SH3GLB2: variants seen among roughly 807,000 people sequenced by gnomAD.
SH3GLB2 encodes SH3 domain containing GRB2 like, endophilin B2.
Under a neutral mutation model 48.0 loss-of-function variants are expected in SH3GLB2, and 24 were observed. The observed-to-expected ratio is 0.50, with a 90% CI of 0.36 to 0.70. SH3GLB2 has a LOEUF of 0.70. Ranked by LOEUF, SH3GLB2 falls within the 30% of genes least tolerant of loss-of-function variation. The pLI, the probability that SH3GLB2 is intolerant of heterozygous loss-of-function variation, is 0.00. For missense variants in SH3GLB2, 425 were observed against 516.0 expected, an observed-to-expected ratio of 0.82 and a Z score of 1.71; for synonymous variants, 227 against 207.6, an observed-to-expected ratio of 1.09 and a Z score of -0.80.
intron 2 of SH3GLB2, among the ~76,000 whole-genome samples, chr9:129,021,907 C>CA (rs1346676990): frequency 7.0e-6 from 1 of 142,830 alleles, no homozygotes; most frequent in Non-Finnish European, 1.5e-5. Flanking sequence ...TGCAGTGAGC[C>CA]AAGATTGCAC....
chr9:129,023,027 A>G (rs535221209), intron 1 of SH3GLB2, among the ~76,000 whole-genome samples: 3 of 152,244 alleles, frequency 2.0e-5, no homozygotes, highest in South Asian at 4.1e-4. Context: ...AAAAAAGGGA[A>G]TAATAGCACC....
chr9:129,008,876 T>G, intron 10 of SH3GLB2, 85 bp from the exon 11 acceptor site: 1 of 1,371,188 alleles, frequency 7.3e-7, no homozygotes. Context: ...AGCTGCCACC[T>G]CCCCATGGCC....
intron 1 of SH3GLB2, among the ~76,000 whole-genome samples, chr9:129,025,168 C>A (rs1486447776): frequency 6.7e-6 from 1 of 149,700 alleles, no homozygotes; most frequent in Admixed American, 6.8e-5. Flanking sequence ...CCCACCTACT[C>A]GGGAGGCTGA....
At chr9:129,026,041 G>A (rs531201227) in intron 1 of SH3GLB2, among the ~76,000 whole-genome samples, 6 of 151,826 alleles carry the variant, frequency 4.0e-5, no homozygotes, top group South Asian at 2.1e-4. Context: ...TTCTTGCCTC[G>A]GTGCCCTTAT....
chr9:129,019,743 G>A (rs1843666078), intron 3 of SH3GLB2, among the ~76,000 whole-genome samples: 2 of 149,388 alleles, frequency 1.3e-5, no homozygotes, highest in African/African-American at 2.5e-5. Flanking sequence ...AGATTGTGGA[G>A]ATGTTTGTAC....
intron 8 of SH3GLB2, 21 bp downstream of exon 8, chr9:129,010,099 A>G (rs1360800958): frequency 7.5e-6 from 12 of 1,606,144 alleles, no homozygotes; most frequent in Non-Finnish European, 1.0e-5. Flanking sequence ...AGGTTTAGTG[A>G]GGGTGGGCAG....
rs1844281767 is a variant in SH3GLB2 at position 129,028,235 on chromosome 9, GC to G, written c.-82del. On this transcript the variant is annotated 5_prime_UTR_variant, in exon 1 of 11. Transcript: ENST00000372564. ...CAGCCGCCGCCGCCAACCGCACCCC[GC>G]CCACCTGCTGCGGGGCACCAGCCCT... 1.0e-6 allele frequency: 1 copy of G among 967,564 alleles called. No individual in the cohort carries two copies. The highest frequency in any genetic ancestry group is 1.3e-6 in the Non-Finnish European group (1 of 794,502). 59.9% of individuals were successfully genotyped at this position (967,564 alleles called of 1,614,324 possible).
In SH3GLB2 at chr9:129,010,755, G is replaced by C. The variant is rs1843070736; in HGVS notation, c.625-62C>G. On this transcript the variant is annotated intron_variant, in intron 6 of 10. Transcript: ENST00000372564. ...GGGAGAGGAGGACAGCTGGACCCTA[G>C]AGCCTGTGCCCTGCCCCAGCTCCCA... 11 of 1,603,008 alleles carry C rather than the reference G, an allele frequency of 6.9e-6. No homozygotes were observed. The Admixed American group carries it at 1.7e-4, about 24-fold the overall frequency.
Position 129,014,093 on chromosome 9 carries a change from G to T in SH3GLB2, c.561+318C>A. On this transcript the variant is annotated intron_variant, in intron 5 of 10. Coordinates refer to ENST00000372564, the MANE Select transcript of SH3GLB2 (RefSeq NM_020145.4). The surrounding 1 kb of genome is among the most constrained non-coding windows in gnomAD (Gnocchi z 4.1). ...AGGTGCCATGCCCGGGCAGAGCCGG[G>T]GACAGAGCCGAGCATCTAGGAGGGC... 1 of 593,436 alleles carries T rather than the reference G, an allele frequency of 1.7e-6. No individual in the cohort carries two copies. 36.8% of individuals were successfully genotyped at this position (593,436 alleles called of 1,614,324 possible).
At chr9:129,012,697 CATCCCAGAATCCG>C (rs1476137277) in intron 5 of SH3GLB2, 9 of 486,094 alleles carry the variant, frequency 1.9e-5, no homozygotes, top group Non-Finnish European at 3.3e-5. Flanking sequence ...TGGCTTTTTC[CATCCCAGAATCCG>C]CACACCACAT....
At chr9:129,028,049 G>T (rs1245215899) in intron 1 of SH3GLB2, 43 bp downstream of exon 1, 1 of 1,487,470 alleles carries the variant, frequency 6.7e-7, no homozygotes, top group Non-Finnish European at 8.9e-7. Flanking sequence ...CCCGCCCGCC[G>T]CACATCCGGG....
At chr9:129,027,323 A>G (rs1339766797) in intron 1 of SH3GLB2, among the ~76,000 whole-genome samples, 1 of 152,068 alleles carries the variant, frequency 6.6e-6, no homozygotes, top group Admixed American at 6.6e-5. Context: ...TACTGATCCC[A>G]TTTTTCAGAC....
chr9:129,024,256 C>CAAAAAAAAAAA (rs1169096733), intron 1 of SH3GLB2, among the ~76,000 whole-genome samples: 1 of 54,520 alleles, frequency 1.8e-5, no homozygotes, highest in Non-Finnish European at 3.3e-5. Flanking sequence ...CTCCTCTCTA[C>CAAAAAAAAAAA]AAAAAAAAAA....
intron 1 of SH3GLB2, among the ~76,000 whole-genome samples, chr9:129,026,115 AG>A (rs1844147916): frequency 6.6e-6 from 1 of 152,104 alleles, no homozygotes; most frequent in Non-Finnish European, 1.5e-5. Context: ...AGCACAGTTC[AG>A]GGGCCCTCCA....
chr9:129,027,263 A>T (rs1844214560), intron 1 of SH3GLB2, among the ~76,000 whole-genome samples: 1 of 152,160 alleles, frequency 6.6e-6, no homozygotes, highest in Non-Finnish European at 1.5e-5. Flanking sequence ...TGGTGAGCAC[A>T]CATATGCAGA....
In SH3GLB2 at chr9:129,014,837, G is replaced by T; in HGVS notation, c.402C>A (p.His134Gln). ...GTGTGAGGAAGCTGATGGAGGCCGT[G>T]TGGATAAAATCCCTCTCCGCGGCTC... ...QLGAAERDFI[H>Q]TASISFLTPL... Residue 134 changes from histidine to glutamine, a missense_variant, in exon 4 of 11, where the codon CAC becomes CAA. By Grantham distance (24) the His-to-Gln change is conservative. Coordinates refer to ENST00000372564, the MANE Select transcript of SH3GLB2 (RefSeq NM_020145.4). The surrounding 1 kb of genome is among the most constrained non-coding windows in gnomAD (Gnocchi z 4.1). 6.2e-7 allele frequency: 1 copy of T among 1,614,048 alleles called. No individual in the cohort carries two copies. Among genetic ancestry groups the T allele is most frequent in the South Asian group, 1.1e-5 (1 of 91,078 alleles).
At position 129,021,128 on chromosome 9, in the gene SH3GLB2, TG is replaced by T; in HGVS notation, c.296del (p.Ala99GlufsTer17). 1 of 1,610,678 alleles carries T rather than the reference TG, an allele frequency of 6.2e-7. No individual in the cohort carries two copies. The highest frequency in any genetic ancestry group is 8.5e-7 in the Non-Finnish European group (1 of 1,178,660). On this transcript the variant is annotated frameshift_variant, in exon 3 of 11. Transcript: ENST00000372564. LOFTEE classifies it high-confidence loss of function. ...TNGELLAQYM[A>X]DAASELGPTT... ...TCGGCCCCAGCTCACTGGCCGCGTC[TG>T]CCATGTACTGAGCCAGCAGCTCCCC...
chr9:129,012,189 GGGGA>G, intron 6 of SH3GLB2, 43 bp downstream of exon 6: 1 of 1,177,528 alleles, frequency 8.5e-7, no homozygotes, highest in South Asian at 3.9e-5. Flanking sequence ...TGTGGGACGT[GGGGA>G]GAGAGGAGGA....
chr9:129,010,358 G>A (rs967633148), intron 7 of SH3GLB2, 149 bp from the exon 8 acceptor site: 6 of 687,914 alleles, frequency 8.7e-6, no homozygotes, highest in Non-Finnish European at 1.5e-5. Context: ...CACACCTGGA[G>A]CCCCAACCCC....
Sources: gnomAD v4.1 joint callset for allele counts (sites outside exome capture counted in the v4.1 genomes callset) on GRCh38, gnomAD v4.1.1 for gene constraint, Gnocchi (gnomAD v3.1) non-coding constraint, MANE v1.5 for transcripts, NCBI Gene and HGNC (gene_info 2026-07-23, HGNC 2026-07-21) for gene names.